CTNNA3: variants seen among roughly 807,000 people sequenced by gnomAD.
CTNNA3 encodes the protein catenin alpha 3.
Under a neutral mutation model 95.7 loss-of-function variants are expected in CTNNA3, and 76 were observed. The observed-to-expected ratio is 0.79, with a 90% CI of 0.66 to 0.96. CTNNA3 has a LOEUF of 0.96. CTNNA3 is among the 40% of genes least tolerant of loss of function. The pLI, the probability that CTNNA3 is intolerant of heterozygous loss-of-function variation, is 0.00. For synonymous variants in CTNNA3, 431 were observed against 374.4 expected (o/e 1.15, Z -1.74); for missense variants, 1,191 against 1,089.8 (o/e 1.09, Z -1.31).
chr10:67,417,332 C>T (rs1845581730), intron 5 of CTNNA3, among the ~76,000 whole-genome samples: 1 of 152,122 alleles, frequency 6.6e-6, no homozygotes, highest in Admixed American at 6.5e-5. Flanking sequence ...TAAAAATCTA[C>T]CTACCAGGTA....
intron 5 of CTNNA3, among the ~76,000 whole-genome samples, chr10:67,254,200 C>T (rs1466165332): frequency 1.3e-5 from 2 of 151,732 alleles, no homozygotes; most frequent in African/African-American, 2.4e-5. Flanking sequence ...AGAAATGCCC[C>T]AAAGTGGCCC....
chr10:67,704,574 T>G (rs991882173), intron 1 of CTNNA3, among the ~76,000 whole-genome samples: 1 of 152,106 alleles, frequency 6.6e-6, no homozygotes, highest in Non-Finnish European at 1.5e-5. Context: ...GGCTAGCCAT[T>G]TGTAGAAAGC....
At chr10:66,980,082 T>A (rs1306704161) in intron 7 of CTNNA3, among the ~76,000 whole-genome samples, 1 of 152,178 alleles carries the variant, frequency 6.6e-6, no homozygotes, top group Non-Finnish European at 1.5e-5. Flanking sequence ...TAATAACTTG[T>A]AAAGCACCAA....
intron 5 of CTNNA3, among the ~76,000 whole-genome samples, chr10:67,491,983 G>A (rs1052651216): frequency 1.7e-4 from 26 of 152,080 alleles, no homozygotes; most frequent in Non-Finnish European, 7.4e-5. Context: ...ACCTCATTAA[G>A]TAACTGGATA....
chr10:66,763,331 CACACACACACAG>C (rs1304988935), intron 9 of CTNNA3, among the ~76,000 whole-genome samples: 3 of 64,368 alleles, frequency 4.7e-5, no homozygotes, highest in Non-Finnish European at 7.2e-5. Flanking sequence ...CACACACACA[CACACACACACAG>C]AGAGAGAGAG....
chr10:66,092,604 T>C (rs1162962338), intron 14 of CTNNA3, among the ~76,000 whole-genome samples: 2 of 152,010 alleles, frequency 1.3e-5, no homozygotes, highest in Non-Finnish European at 2.9e-5. Flanking sequence ...CTAGGTTCAC[T>C]AAGTAGCAAG....
intron 13 of CTNNA3, among the ~76,000 whole-genome samples, chr10:66,103,981 G>T (rs1487082438): frequency 1.3e-5 from 2 of 152,178 alleles, no homozygotes; most frequent in Non-Finnish European, 2.9e-5. Flanking sequence ...CCACTATGTG[G>T]TTACTGCAAA....
chr10:67,262,207 T>C lies in CTNNA3; in HGVS notation c.580-42337A>G, dbSNP rs2132393821. ...TTTTCACGTATAATAGGATGAATAC[T>C]ATATTGGCATTCAAGTAATTTAGTT... On this transcript the variant is annotated intron_variant, in intron 5 of 17. Transcript: ENST00000433211. 2.0e-5 allele frequency among the ~76,000 whole-genome samples: 3 copies of C among 152,304 alleles called. No homozygotes were observed. The Middle Eastern group carries it at 0.01, about 518-fold the overall frequency.
At chr10:67,167,189 C>A (rs1344480872) in intron 7 of CTNNA3, among the ~76,000 whole-genome samples, 1 of 151,958 alleles carries the variant, frequency 6.6e-6, no homozygotes, top group African/African-American at 2.4e-5. Context: ...TGAGATTTGA[C>A]ACATCAGGTC....
intron 14 of CTNNA3, among the ~76,000 whole-genome samples, chr10:66,099,112 A>G (rs1361283128): frequency 1.3e-5 from 2 of 152,188 alleles, no homozygotes; most frequent in East Asian, 1.9e-4. Flanking sequence ...CGCATGTGCA[A>G]TACAGCAGAG....
At chr10:67,090,314 C>G (rs1364871096) in intron 7 of CTNNA3, among the ~76,000 whole-genome samples, 2 of 152,098 alleles carry the variant, frequency 1.3e-5, no homozygotes, top group Non-Finnish European at 2.9e-5. Context: ...TCATAAACTA[C>G]GTTTCTTTCC....
At chr10:66,634,714 T>G (rs1350669719) in intron 9 of CTNNA3, among the ~76,000 whole-genome samples, 7 of 152,004 alleles carry the variant, frequency 4.6e-5, no homozygotes, top group Non-Finnish European at 8.8e-5. Context: ...CTATTCAAAT[T>G]TGTGTCTGAA....
intron 13 of CTNNA3, among the ~76,000 whole-genome samples, chr10:66,276,422 T>C (rs1455642191): frequency 6.6e-6 from 1 of 152,142 alleles, no homozygotes; most frequent in Non-Finnish European, 1.5e-5. Context: ...ATGTACTCTT[T>C]TAAAATTTCC....
chr10:67,121,914 C>T lies in CTNNA3; in HGVS notation c.1047+58403G>A, dbSNP rs148110094. On this transcript the variant is annotated intron_variant, in intron 7 of 17. Coordinates refer to ENST00000433211, the MANE Select transcript of CTNNA3 (RefSeq NM_013266.4). ...AAAATCTGAATTTTTTATGTGAAATCTCTAATTTTCAAATGTTAGAAACTA... is the reference window on the plus strand; with the variant it reads ...AAAATCTGAATTTTTTATGTGAAATTTCTAATTTTCAAATGTTAGAAACTA... 5.8e-3 allele frequency among the ~76,000 whole-genome samples: 794 copies of T among 136,010 alleles called. 7 individuals are homozygous for T. Among genetic ancestry groups the T allele is most frequent in the Middle Eastern group, 0.02 (4 of 202 alleles). The allele number at this position is 136,010 out of a possible 152,430, so 89.2% of individuals were successfully genotyped here. A position where few individuals can be genotyped will look rare whatever the true frequency, so the allele number is the denominator to read the frequency against.
chr10:67,194,291 T>C (rs192580516), intron 6 of CTNNA3, among the ~76,000 whole-genome samples: 2 of 152,174 alleles, frequency 1.3e-5, no homozygotes, highest in African/African-American at 4.8e-5. Flanking sequence ...TTATTCATAA[T>C]TGCCAAAACT....
chr10:66,722,962 T>C (rs1381304159), intron 9 of CTNNA3, among the ~76,000 whole-genome samples: 2 of 152,168 alleles, frequency 1.3e-5, no homozygotes, highest in Non-Finnish European at 2.9e-5. Flanking sequence ...CCGGTGATTC[T>C]GGCCTTTTCT....
chr10:66,515,600 T>C (rs1840821404), intron 11 of CTNNA3, among the ~76,000 whole-genome samples: 1 of 152,092 alleles, frequency 6.6e-6, no homozygotes, highest in Admixed American at 6.6e-5. Context: ...GACTGGGTCA[T>C]TTATAAAGAA....
chr10:66,909,362 T>C (rs1482617108), intron 7 of CTNNA3, among the ~76,000 whole-genome samples: 1 of 151,870 alleles, frequency 6.6e-6, no homozygotes, highest in East Asian at 1.9e-4. Context: ...ATACAAAAAT[T>C]AGCAGGGCAT....
intron 3 of CTNNA3, among the ~76,000 whole-genome samples, chr10:67,588,936 G>A (rs1009451163): frequency 6.6e-6 from 1 of 151,132 alleles, no homozygotes; most frequent in African/African-American, 2.4e-5. Context: ...TTTCCTGTCT[G>A]TCTCCCACTA....
Sources: gnomAD v4.1 joint callset for allele counts (sites outside exome capture counted in the v4.1 genomes callset) on GRCh38, gnomAD v4.1.1 for gene constraint, MANE v1.5 for transcripts, NCBI Gene and HGNC (gene_info 2026-07-23, HGNC 2026-07-21) for gene names.